The following HS3ST4 variants were observed in gnomAD, a reference collection of about 807,000 sequenced individuals.
The protein encoded by HS3ST4 is heparan sulfate-glucosamine 3-sulfotransferase 4.
In HS3ST4, 17 loss-of-function variants were observed where a neutral mutation model predicts 29.2. The ratio of observed to expected loss-of-function variants is 0.58; its 90% CI spans 0.40 to 0.87. The LOEUF is 0.87. Among genes scored for constraint, HS3ST4 ranks in the 40% least tolerant of loss-of-function variants. The pLI is 0.00. For missense variants in HS3ST4, 627 were observed against 634.5 expected, an observed-to-expected ratio of 0.99 and a Z score of 0.13; for synonymous variants, 314 against 285.7, an observed-to-expected ratio of 1.10 and a Z score of -1.00.
At chr16:26,061,174 TTTC>T (rs772588837) in intron 1 of HS3ST4, among the ~76,000 whole-genome samples, 76 of 152,370 alleles carry the variant, frequency 5.0e-4, no homozygotes, top group Non-Finnish European at 8.4e-4. Context: ...TCTTCTTATC[TTTC>T]TTCTTATTTT....
chr16:25,931,909 CA>C (rs1374393237), intron 1 of HS3ST4, among the ~76,000 whole-genome samples: 1 of 151,230 alleles, frequency 6.6e-6, no homozygotes, highest in African/African-American at 2.4e-5. Context: ...TCACTGCTTC[CA>C]AAAGGCAGCT....
chr16:26,118,949 C>G (rs1358110070), intron 1 of HS3ST4, among the ~76,000 whole-genome samples: 3 of 152,152 alleles, frequency 2.0e-5, no homozygotes, highest in Non-Finnish European at 4.4e-5. Context: ...ATAATAGCAA[C>G]AATAACAACA....
At chr16:26,064,432 A>T (rs1475914504) in intron 1 of HS3ST4, among the ~76,000 whole-genome samples, 1 of 152,134 alleles carries the variant, frequency 6.6e-6, no homozygotes. Context: ...CATCGTGCAG[A>T]AGCCACAGTG....
intron 1 of HS3ST4, among the ~76,000 whole-genome samples, chr16:25,771,388 G>A (rs971367150): frequency 2.0e-5 from 3 of 152,074 alleles, no homozygotes; most frequent in African/African-American, 7.2e-5. Flanking sequence ...CCCATCCAGT[G>A]CTCTGTCTGC....
At position 25,929,597 on chromosome 16, in the gene HS3ST4, C is replaced by G. The variant is rs1337133211; in HGVS notation, c.735-206015C>G. Among the ~76,000 whole-genome samples, 7 of 152,052 alleles carry G rather than the reference C, an allele frequency of 4.6e-5. No individual in the cohort carries two copies. The East Asian group carries it at 1.4e-3, about 29-fold the overall frequency. The stretch of plus-strand genomic sequence containing the variant: ...CAAAATAATTGGTCTGTCTCTGAGA[C>G]CACACCTCTAAGGTGATTTGGGCTC... On this transcript the variant is annotated intron_variant, in intron 1 of 1. Transcript: ENST00000331351.
At chr16:25,947,402 C>CA (rs1968637968) in intron 1 of HS3ST4, among the ~76,000 whole-genome samples, 1 of 152,162 alleles carries the variant, frequency 6.6e-6, no homozygotes, top group Non-Finnish European at 1.5e-5. Context: ...CTCCAAATCT[C>CA]AATGGCCCAC....
chr16:25,978,789 G>T (rs185235522), intron 1 of HS3ST4, among the ~76,000 whole-genome samples: 1 of 152,226 alleles, frequency 6.6e-6, no homozygotes, highest in East Asian at 1.9e-4. Flanking sequence ...GCAGAGAAAG[G>T]CAGAAAAACC....
At chr16:25,708,796 T>A (rs1250027458) in intron 1 of HS3ST4, among the ~76,000 whole-genome samples, 2 of 152,184 alleles carry the variant, frequency 1.3e-5, no homozygotes, top group African/African-American at 2.4e-5. Flanking sequence ...TTAGTTTACC[T>A]TCAACTCTTG....
At chr16:25,838,946 GGTCTTGGCACT>G (rs1195312682) in intron 1 of HS3ST4, among the ~76,000 whole-genome samples, 2 of 152,064 alleles carry the variant, frequency 1.3e-5, no homozygotes, top group East Asian at 3.9e-4. Context: ...AAATCAAATC[GGTCTTGGCACT>G]GTGGAATTTG....
chr16:25,784,006 G>T (rs1033096434), intron 1 of HS3ST4, among the ~76,000 whole-genome samples: 2 of 152,146 alleles, frequency 1.3e-5, no homozygotes, highest in African/African-American at 4.8e-5. Context: ...CTTCACATCT[G>T]TGTGTCATAT....
chr16:26,046,984 C>T (rs184821873), intron 1 of HS3ST4, among the ~76,000 whole-genome samples: 18 of 152,218 alleles, frequency 1.2e-4, no homozygotes, highest in African/African-American at 4.1e-4. Flanking sequence ...AATATGTTTC[C>T]TCTTCATTCC....
intron 1 of HS3ST4, among the ~76,000 whole-genome samples, chr16:26,116,759 AT>A (rs1310162633): frequency 1.3e-5 from 2 of 152,220 alleles, no homozygotes; most frequent in Non-Finnish European, 2.9e-5. Context: ...CCATCTACTT[AT>A]TCATGAAGTA....
rs186729706 is a variant in HS3ST4 at position 25,894,654 on chromosome 16, T to G, written c.734+201503T>G. 2.9e-3 allele frequency among the ~76,000 whole-genome samples: 435 copies of G among 152,134 alleles called. 1 individual carries two copies. Among genetic ancestry groups the G allele is most frequent in the Admixed American group, 9.1e-3 (139 of 15,280 alleles). On this transcript the variant is annotated intron_variant, in intron 1 of 1. Transcript: ENST00000331351. The stretch of plus-strand genomic sequence containing the variant: ...CCAAGTAGCTGGGATTACAGGCACC[T>G]GACACCATGCCCAGTTAATTTTTGT...
chr16:25,710,808 C>CTTTTTTTTTTTTTTTT (rs34759495), intron 1 of HS3ST4, among the ~76,000 whole-genome samples: 1 of 48,522 alleles, frequency 2.1e-5, no homozygotes, highest in African/African-American at 8.5e-5. Flanking sequence ...GCATATTATC[C>CTTTTTTTTTTTTTTTT]TTTTTTTTTT....
intron 1 of HS3ST4, among the ~76,000 whole-genome samples, chr16:25,933,061 G>T (rs1391644358): frequency 6.6e-6 from 1 of 152,022 alleles, no homozygotes; most frequent in Admixed American, 6.6e-5. Flanking sequence ...GAGAGACTTG[G>T]GGTGATTCAC....
At chr16:26,076,830 T>A (rs879139588) in intron 1 of HS3ST4, among the ~76,000 whole-genome samples, 2 of 152,220 alleles carry the variant, frequency 1.3e-5, no homozygotes, top group Admixed American at 1.3e-4. Flanking sequence ...CATGCATTCA[T>A]GCACATTTTC....
chr16:25,904,165 T>TGGAC (rs1968155900), intron 1 of HS3ST4, among the ~76,000 whole-genome samples: 1 of 35,242 alleles, frequency 2.8e-5, no homozygotes, highest in Non-Finnish European at 8.5e-5. Context: ...AATGGATGAA[T>TGGAC]GGATGGATGG....
rs550634416 is a variant in HS3ST4, at chr16:25,949,595, G to A, written c.735-186017G>A. Among the ~76,000 whole-genome samples, 7 of 152,282 alleles carry A rather than the reference G, an allele frequency of 4.6e-5. 1 individual carries two copies. In the South Asian group the frequency reaches 1.5e-3, roughly 32 times the overall value. On this transcript the variant is annotated intron_variant, in intron 1 of 1. Transcript: ENST00000331351. ...GAAGAGAGACTTCAGTGTAGAATTA[G>A]GCTCTATTATGGCTACAGCATAGAC...
intron 1 of HS3ST4, among the ~76,000 whole-genome samples, chr16:26,072,168 C>T (rs1395691629): frequency 4.6e-5 from 7 of 152,144 alleles, no homozygotes; most frequent in Admixed American, 3.9e-4. Context: ...GTTGTGTGGC[C>T]TTCAGCAAAT....
Sources: allele counts gnomAD v4.1 joint callset (sites outside exome capture counted in the v4.1 genomes callset), GRCh38; gene constraint gnomAD v4.1.1; transcripts MANE v1.5; gene names NCBI Gene and HGNC (gene_info 2026-07-23, HGNC 2026-07-21).